The following PIK3R4 variants were observed in gnomAD, a reference collection of about 807,000 sequenced individuals.
The protein encoded by PIK3R4 is phosphoinositide-3-kinase regulatory subunit 4.
Under a neutral mutation model 136.5 loss-of-function variants are expected in PIK3R4, and 46 were observed. The ratio of observed to expected loss-of-function variants is 0.34; its 90% CI spans 0.27 to 0.43. PIK3R4 has a LOEUF of 0.43. PIK3R4 is among the 20% of genes least tolerant of loss of function. The pLI, the probability that PIK3R4 is intolerant of heterozygous loss-of-function variation, is 1.00. For missense variants in PIK3R4, 1,331 were observed against 1,649.5 expected (o/e 0.81, Z 3.35); for synonymous variants, 557 against 566.7 (o/e 0.98, Z 0.24).
At chr3:130,717,187 CA>C (rs1303067485) in intron 8 of PIK3R4, among the ~76,000 whole-genome samples, 1 of 150,596 alleles carries the variant, frequency 6.6e-6, no homozygotes, top group Non-Finnish European at 1.5e-5. Context: ...GTGACTCTAG[CA>C]AAAGAACCAA....
chr3:130,680,658 A>AGAT lies in PIK3R4; in HGVS notation c.3858_3860dup (p.Ser1287dup), dbSNP rs1559818224. ...CAATTATTTTCCTGTAGTAGGACACAGATGGGGAACTAGTACTTCCTGCAA... is the reference window on the plus strand; with the variant it reads ...CAATTATTTTCCTGTAGTAGGACACAGATGATGGGGAACTAGTACTTCCTGCAA... On this transcript the variant is annotated inframe_insertion, in exon 19 of 20. Coordinates refer to ENST00000356763, the MANE Select transcript of PIK3R4 (RefSeq NM_014602.3). 1.2e-6 allele frequency: 2 copies of AGAT among 1,613,200 alleles called. No homozygotes were observed. Among genetic ancestry groups the AGAT allele is most frequent in the South Asian group, 1.1e-5 (1 of 91,030 alleles).
At chr3:130,682,093 C>T (rs2066462403) in intron 16 of PIK3R4, among the ~76,000 whole-genome samples, 1 of 152,128 alleles carries the variant, frequency 6.6e-6, no homozygotes, top group East Asian at 1.9e-4. Context: ...AAATAATGGC[C>T]CCAAAGGTAT....
At position 130,723,587 on chromosome 3, in the gene PIK3R4, C is replaced by T. The variant is rs1320842072; in HGVS notation, c.1808G>A (p.Gly603Asp). Residue 603 changes from glycine to aspartate, a missense_variant and splice_region_variant, in exon 7 of 20, where the codon GGT becomes GAT. By Grantham distance (94) the Gly-to-Asp change is moderately conservative. Around this residue, in one of 2 missense-constraint regions of PIK3R4, gnomAD observed 1,180 missense variants for 1,407.0 expected, o/e 0.84. Transcript: ENST00000356763. ...TTGCCAGCCAACATAGGCAGCAACA[C>T]CTGGAAATGAAAAGCAATATTATGT... ...LRGAFFDSIVGVAAYVGWQSS... is the reference protein window; with the variant it reads ...LRGAFFDSIVDVAAYVGWQSS... The T allele has an allele frequency of 6.2e-7, 1 of 1,610,318 alleles. No individual in the cohort carries two copies. The highest frequency in any genetic ancestry group is 8.5e-7 in the Non-Finnish European group (1 of 1,178,750).
chr3:130,724,685 A>G (rs1344318522), intron 6 of PIK3R4, among the ~76,000 whole-genome samples: 1 of 152,088 alleles, frequency 6.6e-6, no homozygotes, highest in Non-Finnish European at 1.5e-5. Flanking sequence ...GGAGCACACA[A>G]AATAGATTTA....
intron 9 of PIK3R4, among the ~76,000 whole-genome samples, chr3:130,716,032 G>A (rs1247501358): frequency 6.6e-6 from 1 of 152,136 alleles, no homozygotes; most frequent in East Asian, 1.9e-4. Flanking sequence ...TCTGTGTTTT[G>A]CAATGTTTCT....
intron 7 of PIK3R4, among the ~76,000 whole-genome samples, chr3:130,723,062 CAAAAAAAAAAAAAAAAAA>C (rs61129038): frequency 3.6e-4 from 7 of 19,494 alleles, no homozygotes; most frequent in Non-Finnish European, 6.7e-4. Flanking sequence ...GAGACTGTCG[CAAAAAAAAAAAAAAAAAA>C]AAAAAAAAAA....
intron 13 of PIK3R4, among the ~76,000 whole-genome samples, chr3:130,692,671 A>T (rs1196954207): frequency 6.6e-6 from 1 of 152,198 alleles, no homozygotes; most frequent in Non-Finnish European, 1.5e-5. Flanking sequence ...TTTGTGTATA[A>T]GTCTTTGTGT....
intron 14 of PIK3R4, among the ~76,000 whole-genome samples, chr3:130,689,206 A>G (rs1363421983): frequency 2.0e-5 from 3 of 152,210 alleles, no homozygotes; most frequent in Non-Finnish European, 4.4e-5. Flanking sequence ...CTAGGTAGTT[A>G]GGTAGTTATC....
At chr3:130,730,202 C>A in intron 5 of PIK3R4, 106 bp downstream of exon 5, 1 of 839,578 alleles carries the variant, frequency 1.2e-6, no homozygotes, top group Non-Finnish European at 1.9e-6. Context: ...ATATATAGAT[C>A]TGGTATTCCT....
chr3:130,742,373 A>G (rs2066828932), intron 2 of PIK3R4, among the ~76,000 whole-genome samples: 1 of 152,244 alleles, frequency 6.6e-6, no homozygotes, highest in East Asian at 1.9e-4. Flanking sequence ...GAAATTTTAA[A>G]CCTATGAATG....
At chr3:130,732,423 A>T (rs1364954762) in intron 4 of PIK3R4, among the ~76,000 whole-genome samples, 2 of 145,230 alleles carry the variant, frequency 1.4e-5, no homozygotes, top group Non-Finnish European at 3.0e-5. Flanking sequence ...AAGAAGACAG[A>T]GCTTGTTTTT....
Position 130,744,943 on chromosome 3 carries a change from T to G in PIK3R4, c.276A>C (p.Glu92Asp). The G allele has an allele frequency of 6.2e-7, 1 of 1,614,252 alleles. No individual in the cohort carries two copies. Among genetic ancestry groups the G allele is most frequent in the Non-Finnish European group, 8.5e-7 (1 of 1,180,048 alleles). The stretch of plus-strand genomic sequence containing the variant: ...GCATAGCTGCTTTCTCAGATGCTTT[T>G]TCTGATGCTTTCTGGAAAGGTAGAC... ...QNCLPFQKASEKASEKAAMLF... is the reference protein window; with the variant it reads ...QNCLPFQKASDKASEKAAMLF... The change falls in exon 2 of 20, where the codon GAA (glutamate) becomes GAC (aspartate). Residue 92 changes from glutamate to aspartate, a missense_variant. Glu to Asp is a conservative substitution (Grantham distance 45). This residue lies in a region of PIK3R4 where 151 missense variants were observed against 242.5 expected (regional missense o/e 0.62). Transcript: ENST00000356763.
chr3:130,710,023 T>C (rs1428652275), intron 9 of PIK3R4, among the ~76,000 whole-genome samples: 3 of 152,168 alleles, frequency 2.0e-5, no homozygotes, highest in South Asian at 4.1e-4. Context: ...GGTAGTGAAT[T>C]GTATCTCAAT....
At chr3:130,681,427 T>C (rs924706102) in intron 17 of PIK3R4, 64 bp downstream of exon 17, 2 of 1,069,026 alleles carry the variant, frequency 1.9e-6, no homozygotes, top group Admixed American at 3.7e-5. Flanking sequence ...TTTGATTAAA[T>C]GCCTGAAAGT....
Position 130,690,530 on chromosome 3 carries a change from T to C in PIK3R4, c.3223A>G (p.Lys1075Glu). ...AVQLLGIEAS[K>E]LPKSPKIHPL... The stretch of plus-strand genomic sequence containing the variant: ...TGGATTTTAGGAGACTTGGGCAGCT[T>C]AGAAGCCTCAATTCCAAGAAGCTGG... The change falls in exon 14 of 20, where the codon AAG becomes GAG. Residue 1075 changes from lysine to glutamate, a missense_variant. Coordinates refer to ENST00000356763, the MANE Select transcript of PIK3R4 (RefSeq NM_014602.3). 1.2e-6 allele frequency: 2 copies of C among 1,613,678 alleles called. No individual in the cohort carries two copies. Among genetic ancestry groups the C allele is most frequent in the Non-Finnish European group, 1.7e-6 (2 of 1,179,648 alleles).
chr3:130,722,660 G>A (rs2066708304), intron 7 of PIK3R4, among the ~76,000 whole-genome samples: 1 of 152,062 alleles, frequency 6.6e-6, no homozygotes, highest in East Asian at 1.9e-4. Context: ...TGCAGTGACA[G>A]ACCCTTCACA....
chr3:130,723,672 G>A, intron 6 of PIK3R4, 85 bp from the exon 7 acceptor site: 1 of 1,128,820 alleles, frequency 8.9e-7, no homozygotes, highest in Non-Finnish European at 1.2e-6. Context: ...TTAAGCAAAA[G>A]CCAAACATAT....
rs375041471 is a variant in PIK3R4 at position 130,716,515 on chromosome 3, T to C, written c.2212A>G (p.Ile738Val). ...TGAAGATGTCTGAACAAGCTAGTAA[T>C]ATCTTTAGACCTCAAAGCATAATCA... ...IFDYALRSKD[I>V]TSLFRHLHMR... The change falls in exon 9 of 20, where the codon ATT (isoleucine) becomes GTT (valine). Residue 738 changes from isoleucine (I) to valine (V), a missense_variant. By Grantham distance (29) the Ile-to-Val change is conservative. This residue lies in a region of PIK3R4 where 1,180 missense variants were observed against 1,407.0 expected (regional missense o/e 0.84). Transcript: ENST00000356763. 69 of 1,613,768 alleles carry C rather than the reference T, an allele frequency of 4.3e-5. No homozygotes were observed. Among genetic ancestry groups the C allele is most frequent in the African/African-American group, 1.6e-4 (12 of 74,942 alleles).
Position 130,679,844 on chromosome 3 carries a change from A to G in PIK3R4, c.3907-359T>C, listed in dbSNP as rs111761398. ...TATAATCCCAGCACTTTGGGAGGCC[A>G]AGGCGGGTGGATCACAAGGTCAGGA... is the stretch of plus-strand genomic sequence containing the variant. On this transcript the variant is annotated intron_variant, in intron 19 of 19. Coordinates refer to ENST00000356763, the MANE Select transcript of PIK3R4 (RefSeq NM_014602.3). Among the ~76,000 whole-genome samples, 285 of 152,242 alleles carry G rather than the reference A, an allele frequency of 1.9e-3. 2 individuals carry two copies. The highest frequency in any genetic ancestry group is 6.6e-3 in the African/African-American group (275 of 41,560).
Sources: gnomAD v4.1 joint callset for allele counts (sites outside exome capture counted in the v4.1 genomes callset) on GRCh38, gnomAD v4.1.1 for gene constraint, gnomAD v4.1.1 regional missense constraint, MANE v1.5 for transcripts, NCBI Gene and HGNC (gene_info 2026-07-23, HGNC 2026-07-21) for gene names.